Variants in SLC4A4 observed in about 807,000 individuals in gnomAD.
SLC4A4 encodes the protein electrogenic sodium bicarbonate cotransporter 1.
Under a neutral mutation model 111.5 loss-of-function variants are expected in SLC4A4, and 27 were observed. The observed-to-expected ratio is 0.24, with a 90% CI of 0.18 to 0.33. The LOEUF is 0.33. SLC4A4 is among the 10% of genes least tolerant of loss of function. The pLI, the probability that SLC4A4 is intolerant of heterozygous loss-of-function variation, is 1.00. For synonymous variants in SLC4A4, 443 were observed against 463.4 expected, an observed-to-expected ratio of 0.96 and a Z score of 0.57; for missense variants, 909 against 1,315.5, an observed-to-expected ratio of 0.69 and a Z score of 4.78.
chr4:71,403,835 G>A (rs1720593394), intron 7 of SLC4A4, among the ~76,000 whole-genome samples: 1 of 152,072 alleles, frequency 6.6e-6, no homozygotes. Context: ...ATAGGATGGA[G>A]AAATTTGTGA....
intron 23 of SLC4A4, 62 bp downstream of exon 23, chr4:71,560,316 C>T (rs1736859968): frequency 1.3e-6 from 2 of 1,523,864 alleles, no homozygotes; most frequent in South Asian, 2.4e-5. Flanking sequence ...AAAATTGTCC[C>T]TTTTTATACC....
intron 3 of SLC4A4, among the ~76,000 whole-genome samples, chr4:71,296,043 A>G (rs1484187234): frequency 2.6e-5 from 4 of 152,110 alleles, no homozygotes; most frequent in Admixed American, 2.0e-4. Context: ...CAACCACTGA[A>G]TGTTACAGTG....
intron 12 of SLC4A4, among the ~76,000 whole-genome samples, chr4:71,454,727 A>G (rs999748498): frequency 2.2e-4 from 33 of 152,238 alleles, no homozygotes; most frequent in African/African-American, 7.5e-4. Flanking sequence ...TAGTTTGTCA[A>G]GTGCAGTTTT....
chr4:71,202,643 A>G (rs2149004227), intron 1 of SLC4A4, among the ~76,000 whole-genome samples: 1 of 152,276 alleles, frequency 6.6e-6, no homozygotes, highest in African/African-American at 2.4e-5. Context: ...TTTTTTTAAA[A>G]AAGAGGGCTT....
intron 5 of SLC4A4, among the ~76,000 whole-genome samples, chr4:71,350,575 T>G (rs1030033516): frequency 3.3e-5 from 5 of 152,102 alleles, no homozygotes; most frequent in African/African-American, 1.2e-4. Context: ...GTGGGGCTTC[T>G]TTGCAAATCT....
intron 2 of SLC4A4, among the ~76,000 whole-genome samples, chr4:71,169,487 T>A (rs1744879594): frequency 6.6e-6 from 1 of 152,206 alleles, no homozygotes; most frequent in South Asian, 2.1e-4. Flanking sequence ...CTGTTTGCCA[T>A]CTGTGTGTCT....
chr4:71,164,605 A>G (rs1744694600), intron 2 of SLC4A4, among the ~76,000 whole-genome samples: 1 of 152,156 alleles, frequency 6.6e-6, no homozygotes, highest in Non-Finnish European at 1.5e-5. Flanking sequence ...AACACCCAGA[A>G]GAAAACCTAG....
intron 4 of SLC4A4, among the ~76,000 whole-genome samples, chr4:71,348,313 TCACA>T (rs35326504): frequency 0.59 from 84,096 of 143,486 alleles, 25,235 homozygotes; most frequent in Non-Finnish European, 0.67. Flanking sequence ...ACTAATTTAG[TCACA>T]CACACACACA....
chr4:71,455,037 A>G (rs1168462767), intron 12 of SLC4A4, among the ~76,000 whole-genome samples: 1 of 152,168 alleles, frequency 6.6e-6, no homozygotes, highest in Non-Finnish European at 1.5e-5. Context: ...GGGGACTGTG[A>G]TGACGTCTAA....
intron 3 of SLC4A4, among the ~76,000 whole-genome samples, chr4:71,292,774 G>A (rs1277844819): frequency 2.0e-5 from 3 of 149,612 alleles, no homozygotes; most frequent in Non-Finnish European, 4.4e-5. Context: ...AAAGAGGAAA[G>A]AACAAATGTA....
At chr4:71,331,852 A>G (rs990114447) in intron 3 of SLC4A4, among the ~76,000 whole-genome samples, 3 of 151,962 alleles carry the variant, frequency 2.0e-5, no homozygotes, top group Non-Finnish European at 2.9e-5. Context: ...GCTTTAATCT[A>G]ATTACTTGTT....
intron 14 of SLC4A4, among the ~76,000 whole-genome samples, chr4:71,486,662 T>C (rs931419315): frequency 1.8e-4 from 12 of 67,258 alleles, no homozygotes; most frequent in Non-Finnish European, 2.9e-4. Context: ...ATCAGGGAAG[T>C]TTTATTTCTT....
chr4:71,192,512 AG>A (rs1028708915), intron 1 of SLC4A4, among the ~76,000 whole-genome samples: 1 of 152,210 alleles, frequency 6.6e-6, no homozygotes, highest in African/African-American at 2.4e-5. Context: ...AACATTGAAA[AG>A]TGCCTGAAAA....
chr4:71,458,624 C>T (rs1057342243), intron 12 of SLC4A4, among the ~76,000 whole-genome samples: 9 of 152,008 alleles, frequency 5.9e-5, no homozygotes, highest in Non-Finnish European at 1.3e-4. Flanking sequence ...TAGTTGCCAT[C>T]TCCAAATTTG....
In SLC4A4 at chr4:71,390,679, T is replaced by TG. The variant is rs573897097; in HGVS notation, c.731-6896dup. Among the ~76,000 whole-genome samples the TG allele has an allele frequency of 1.5e-3, 234 of 152,270 alleles. 3 individuals carry two copies. Among genetic ancestry groups the TG allele is most frequent in the Non-Finnish European group, 2.1e-3 (146 of 68,008 alleles). On this transcript the variant is annotated intron_variant, in intron 6 of 25. Transcript: ENST00000264485. ...GTAGTGATGTTATTCTGCACATAATTGGCATGAAAATAGAATATATTCTCT... is the reference window on the plus strand; with the variant it reads ...GTAGTGATGTTATTCTGCACATAATTGGGCATGAAAATAGAATATATTCTCT...
At chr4:71,250,421 T>C (rs1720983972) in intron 2 of SLC4A4, among the ~76,000 whole-genome samples, 1 of 152,144 alleles carries the variant, frequency 6.6e-6, no homozygotes, top group Non-Finnish European at 1.5e-5. Context: ...CCTCAGTGTT[T>C]AATTAGAGAT....
intron 6 of SLC4A4, among the ~76,000 whole-genome samples, chr4:71,375,094 T>A (rs1732227590): frequency 6.6e-6 from 1 of 152,214 alleles, no homozygotes; most frequent in Non-Finnish European, 1.5e-5. Flanking sequence ...TTTGTTCATG[T>A]CCTTATTTCC....
At chr4:71,299,016 G>A (rs1230903434) in intron 3 of SLC4A4, among the ~76,000 whole-genome samples, 1 of 152,144 alleles carries the variant, frequency 6.6e-6, no homozygotes, top group African/African-American at 2.4e-5. Flanking sequence ...CAGCTTTTCT[G>A]AAGGAGGACA....
chr4:71,154,057 T>C (rs1182534780), intron 2 of SLC4A4, among the ~76,000 whole-genome samples: 2 of 152,160 alleles, frequency 1.3e-5, no homozygotes, highest in Non-Finnish European at 2.9e-5. Context: ...TAGATTATGA[T>C]TGGGGAGTTC....
Sources: allele counts gnomAD v4.1 joint callset (sites outside exome capture counted in the v4.1 genomes callset), GRCh38; gene constraint gnomAD v4.1.1; transcripts MANE v1.5; gene names NCBI Gene and HGNC (gene_info 2026-07-23, HGNC 2026-07-21).